The following AGAP1 variants were observed in gnomAD, a reference collection of about 807,000 sequenced individuals.
AGAP1 encodes the protein ArfGAP with GTPase domain, ankyrin repeat and PH domain 1, also known as arf-GAP with GTPase, ANK repeat and PH domain-containing protein 1.
AGAP1 carries 29 observed loss-of-function variants against 105.3 expected under a neutral mutation model. That is an observed-to-expected ratio of 0.28 (90% CI 0.21 to 0.38). AGAP1 has a LOEUF of 0.38. AGAP1 is among the 10% of genes least tolerant of loss of function. The pLI, the probability that AGAP1 is intolerant of heterozygous loss-of-function variation, is 1.00. For synonymous variants in AGAP1, 509 were observed against 485.9 expected (o/e 1.05, Z -0.63); for missense variants, 998 against 1,165.1 (o/e 0.86, Z 2.09).
At chr2:235,513,709 G>A (rs995963624) in intron 1 of AGAP1, among the ~76,000 whole-genome samples, 1 of 152,026 alleles carries the variant, frequency 6.6e-6, no homozygotes, top group Non-Finnish European at 1.5e-5. Flanking sequence ...CAGGTGCCAT[G>A]GCATGGGGAG....
At chr2:236,075,264 A>G (rs905564657) in intron 16 of AGAP1, among the ~76,000 whole-genome samples, 1 of 152,160 alleles carries the variant, frequency 6.6e-6, no homozygotes, top group African/African-American at 2.4e-5. Context: ...TTTTTTTACT[A>G]GAAATCACTG....
At chr2:236,110,641 C>G (rs1294210866) in intron 16 of AGAP1, among the ~76,000 whole-genome samples, 1 of 152,172 alleles carries the variant, frequency 6.6e-6, no homozygotes, top group African/African-American at 2.4e-5. Flanking sequence ...ATTACTGATA[C>G]TTTTCCTAGT....
rs2049230588 is a variant in AGAP1 at position 235,867,535 on chromosome 2, C to CTGTG, written c.1051-15810_1051-15809insTGTG. ...GATCATACACCTTATGCTGGTGCTG[C>CTGTG]AGTGTGTGTGTGTGTGTGTGTGTGT... On this transcript the variant is annotated intron_variant, in intron 9 of 17. Transcript: ENST00000304032. The surrounding 1 kb of genome is among the most constrained non-coding windows in gnomAD (Gnocchi z 5.4). 2.5e-5 allele frequency among the ~76,000 whole-genome samples: 1 copy of CTGTG among 40,172 alleles called. No homozygotes were observed. The highest frequency in any genetic ancestry group is 4.9e-5 in the Non-Finnish European group (1 of 20,576). The allele number at this position is 40,172 out of a possible 152,430, so 26.4% of individuals were successfully genotyped here. A position where few individuals can be genotyped will look rare whatever the true frequency, so the allele number is the denominator to read the frequency against.
At position 236,038,207 on chromosome 2, in the gene AGAP1, C is replaced by T. The variant is rs1436116107; in HGVS notation, c.1800+1492C>T. Among the ~76,000 whole-genome samples, 4 of 152,188 alleles carry T rather than the reference C, an allele frequency of 2.6e-5. No individual in the cohort carries two copies. The South Asian group carries it at 8.3e-4, about 32-fold the overall frequency. ...TGCCTCCTGAAACGAGCACAGGGTGCTTTGGGGCCACCTCAATGGGAAGCA... is the reference window on the plus strand; with the variant it reads ...TGCCTCCTGAAACGAGCACAGGGTGTTTTGGGGCCACCTCAATGGGAAGCA... On this transcript the variant is annotated intron_variant, in intron 14 of 17. Coordinates refer to ENST00000304032, the MANE Select transcript of AGAP1 (RefSeq NM_001037131.3). The surrounding 1 kb of genome is among the most constrained non-coding windows in gnomAD (Gnocchi z 4.5).
At position 235,807,326 on chromosome 2, in the gene AGAP1, A is replaced by AAACAGGTG; in HGVS notation, c.1047_1050+4dup. 1 of 1,592,676 alleles carries AAACAGGTG rather than the reference A, an allele frequency of 6.3e-7. No individual in the cohort carries two copies. Among genetic ancestry groups the AAACAGGTG allele is most frequent in the Non-Finnish European group, 8.5e-7 (1 of 1,174,306 alleles). ...TGGGAGCGGCCGAGCCATCCCAATT[A>AAACAGGTG]AACAGGTGAGCAGCCTCCCCATCCT... is the stretch of plus-strand genomic sequence containing the variant. On this transcript the variant is annotated frameshift_variant, in exon 9 of 18. Coordinates refer to ENST00000304032, the MANE Select transcript of AGAP1 (RefSeq NM_001037131.3). LOFTEE classifies it high-confidence loss of function.
At chr2:235,828,513 G>T (rs1959171428) in intron 9 of AGAP1, among the ~76,000 whole-genome samples, 1 of 152,174 alleles carries the variant, frequency 6.6e-6, no homozygotes, top group South Asian at 2.1e-4. Flanking sequence ...CTGCCCACGA[G>T]TCACGTTTGT....
rs1433366349 is a variant in AGAP1, at chr2:235,908,753, G to C, written c.1171G>C (p.Val391Leu). 3.1e-6 allele frequency: 5 copies of C among 1,607,422 alleles called. No homozygotes were observed. The highest frequency in any genetic ancestry group is 4.2e-6 in the Non-Finnish European group (5 of 1,177,038). The change falls in exon 11 of 18, where the codon GTT (valine) becomes CTT (leucine). Residue 391 changes from valine (V) to leucine (L), a missense_variant. By Grantham distance (32) the Val-to-Leu change is conservative (BLOSUM62 1). Around this residue, in one of 3 missense-constraint regions of AGAP1, gnomAD observed 735 missense variants for 833.4 expected, o/e 0.88. Transcript: ENST00000304032. This position sits in a 1 kb window ranked among gnomAD's most constrained non-coding sequence, Gnocchi z 4.4. ...HPSLHDYMQN[V>L]HGKEIDLLRT... is the part of the protein sequence containing the mutation. ...TTTTCAACAGGATTACATGCAGAAT[G>C]TTCATGGTAAGGAGATTGACCTTCT... is the stretch of plus-strand genomic sequence containing the variant.
intron 17 of AGAP1, among the ~76,000 whole-genome samples, chr2:236,122,305 C>T (rs967989113): frequency 2.0e-5 from 3 of 152,126 alleles, no homozygotes; most frequent in African/African-American, 4.8e-5. Context: ...TAAGCTAATA[C>T]ACCACCATAA....
chr2:235,669,494 C>G, intron 1 of AGAP1: 1 of 151,570 alleles, frequency 6.6e-6, no homozygotes, highest in Non-Finnish European at 1.5e-5. Flanking sequence ...TGCACGCCGC[C>G]GCGCTCGCCG....
rs930529928 is a variant in AGAP1 at position 236,092,566 on chromosome 2, G to A, written c.2115-27626G>A. On this transcript the variant is annotated intron_variant, in intron 16 of 17. Transcript: ENST00000304032. This position sits in a 1 kb window ranked among gnomAD's most constrained non-coding sequence, Gnocchi z 4.7. Reference sequence around the variant, plus strand: ...CCGCCACCGTGCCCAGCTAATTTTTGTATTTTTATTAGAGACGGGGTTTCA... The same window carrying A: ...CCGCCACCGTGCCCAGCTAATTTTTATATTTTTATTAGAGACGGGGTTTCA... Among the ~76,000 whole-genome samples, 1 of 152,008 alleles carries A rather than the reference G, an allele frequency of 6.6e-6. No homozygotes were observed. Among genetic ancestry groups the A allele is most frequent in the Non-Finnish European group, 1.5e-5 (1 of 68,010 alleles).
At chr2:235,898,455 G>T (rs966312276) in intron 10 of AGAP1, among the ~76,000 whole-genome samples, 1 of 151,288 alleles carries the variant, frequency 6.6e-6, no homozygotes, top group Non-Finnish European at 1.5e-5. Context: ...AATGTCATGC[G>T]TTTGCAGAGG....
intron 1 of AGAP1, among the ~76,000 whole-genome samples, chr2:235,579,081 A>G (rs1182893163): frequency 6.6e-6 from 1 of 152,210 alleles, no homozygotes; most frequent in African/African-American, 2.4e-5. Context: ...AATTATCACC[A>G]TGAAGCAGCC....
chr2:235,737,201 T>C lies in AGAP1; in HGVS notation c.311-3762T>C, dbSNP rs1341433970. Among the ~76,000 whole-genome samples, 1 of 152,200 alleles carries C rather than the reference T, an allele frequency of 6.6e-6. No individual in the cohort carries two copies. Among genetic ancestry groups the C allele is most frequent in the Non-Finnish European group, 1.5e-5 (1 of 68,034 alleles). ...TGCTGGAGCACCTGGCTGAATTTTA[T>C]CTTATTATTCACCTTTGAGTTCGTG... On this transcript the variant is annotated intron_variant, in intron 3 of 17. Transcript: ENST00000304032. This position sits in a 1 kb window ranked among gnomAD's most constrained non-coding sequence, Gnocchi z 4.5.
At chr2:235,672,068 C>T (rs1318017118) in intron 1 of AGAP1, among the ~76,000 whole-genome samples, 1 of 152,018 alleles carries the variant, frequency 6.6e-6, no homozygotes, top group African/African-American at 2.4e-5. Context: ...AAATATTATT[C>T]ATCCTCTTAT....
chr2:235,707,464 T>C (rs966787894), intron 1 of AGAP1, among the ~76,000 whole-genome samples: 771 of 23,274 alleles, frequency 0.033, no homozygotes, highest in Non-Finnish European at 0.054. Context: ...ACAGTTGCCC[T>C]CCCCATGACC....
chr2:235,575,015 T>C (rs1944686748), intron 1 of AGAP1, among the ~76,000 whole-genome samples: 1 of 151,964 alleles, frequency 6.6e-6, no homozygotes. Flanking sequence ...CCCAGGTACA[T>C]GGGAGGCTGA....
In AGAP1 at chr2:235,614,175, G is replaced by T. The variant is rs185343895; in HGVS notation, c.164-95004G>T. Among the ~76,000 whole-genome samples, 1 of 152,274 alleles carries T rather than the reference G, an allele frequency of 6.6e-6. No homozygotes were observed. On this transcript the variant is annotated intron_variant, in intron 1 of 17. Coordinates refer to ENST00000304032, the MANE Select transcript of AGAP1 (RefSeq NM_001037131.3). The surrounding 1 kb of genome is among the most constrained non-coding windows in gnomAD (Gnocchi z 4.7). ...TGAGCAGAAACAGGCAAGGTCTTTG[G>T]CCTCAGGGGGTCCTTGGAGTCTAGA...
At chr2:235,768,500 G>C (rs1439942067) in intron 6 of AGAP1, among the ~76,000 whole-genome samples, 1 of 152,260 alleles carries the variant, frequency 6.6e-6, no homozygotes, top group African/African-American at 2.4e-5. Context: ...TATTTCATCA[G>C]AGCGGAGAGC....
intron 13 of AGAP1, among the ~76,000 whole-genome samples, chr2:236,033,975 C>T (rs1304763993): frequency 6.6e-6 from 1 of 152,172 alleles, no homozygotes; most frequent in Non-Finnish European, 1.5e-5. Flanking sequence ...AAGTGTGAGC[C>T]TGTCGAGTTG....
Sources: allele counts gnomAD v4.1 joint callset (sites outside exome capture counted in the v4.1 genomes callset), GRCh38; gene constraint gnomAD v4.1.1; regional missense constraint gnomAD v4.1.1; non-coding constraint Gnocchi (gnomAD v3.1); transcripts MANE v1.5; gene names NCBI Gene and HGNC (gene_info 2026-07-23, HGNC 2026-07-21).